The following POLK variants were observed in gnomAD, a reference collection of about 807,000 sequenced individuals.
POLK encodes polymerase (DNA directed) kappa.
A neutral mutation model predicts 94.0 loss-of-function variants in POLK; 76 were observed. That is an observed-to-expected ratio of 0.81 (90% CI 0.67 to 0.98). POLK has a LOEUF of 0.98. POLK is among the 50% of genes least tolerant of loss of function. The pLI is 0.00. For synonymous variants in POLK, 349 were observed against 325.4 expected (o/e 1.07, Z -0.78); for missense variants, 954 against 1,010.1 (o/e 0.94, Z 0.75).
At chr5:75,525,381 A>G (rs1347990864) in intron 1 of POLK, among the ~76,000 whole-genome samples, 1 of 152,204 alleles carries the variant, frequency 6.6e-6, no homozygotes, top group Non-Finnish European at 1.5e-5. Context: ...AATCAAAATG[A>G]TGTTACTAGA....
Position 75,584,878 on chromosome 5 carries a change from A to T in POLK, c.1178A>T (p.His393Leu), listed in dbSNP as rs1210506898. 1.1e-5 allele frequency: 18 copies of T among 1,607,944 alleles called. No individual in the cohort carries two copies. In the South Asian group the frequency reaches 2.0e-4, roughly 18 times the overall value. Residue 393 changes from histidine to leucine, a missense_variant, in exon 9 of 15, where the codon CAT becomes CTT. Coordinates refer to ENST00000241436, the Ensembl canonical transcript of POLK. Reference sequence around the variant, plus strand: ...CTCCTTTTCTCTGAAACATCTTGGCATTATTTCCTTCATATCTCCTTGGGT... The same window carrying T: ...CTCCTTTTCTCTGAAACATCTTGGCTTTATTTCCTTCATATCTCCTTGGGT...
intron 6 of POLK, chr5:75,580,596 A>G: frequency 1.2e-6 from 1 of 810,294 alleles, no homozygotes; most frequent in Non-Finnish European, 1.5e-6. Flanking sequence ...TAACTTTCAC[A>G]GGTAATTTCT....
At chr5:75,548,782 T>C (rs1770186289) in intron 2 of POLK, among the ~76,000 whole-genome samples, 1 of 151,892 alleles carries the variant, frequency 6.6e-6, no homozygotes, top group Non-Finnish European at 1.5e-5. Flanking sequence ...TACATAGAAG[T>C]TGGGGAAGAA....
upstream of POLK, chr5:75,511,149 G>T: frequency 6.2e-7 from 1 of 1,609,658 alleles, no homozygotes; most frequent in African/African-American, 1.3e-5. Flanking sequence ...AGGCGGCCCA[G>T]ACTCCGTCTC....
Position 75,597,049 on chromosome 5 carries a change from CAA to C in POLK, c.2359_2360del (p.Lys787AspfsTer17), listed in dbSNP as rs765240807. On this transcript the variant is annotated frameshift_variant, in exon 13 of 15. Transcript: ENST00000241436. LOFTEE classifies it high-confidence loss of function. ...AGTTTGTCCTGTTTGTAACGTAGAA[CAA>C]AAGACTTCAGATCTAACCCTGTTCA... 3.1e-6 allele frequency: 5 copies of C among 1,613,518 alleles called. No individual in the cohort carries two copies. In the South Asian group the frequency reaches 3.3e-5, roughly 11 times the overall value.
chr5:75,552,954 GA>G (rs1013573542), intron 3 of POLK, among the ~76,000 whole-genome samples: 1 of 152,074 alleles, frequency 6.6e-6, no homozygotes, highest in Non-Finnish European at 1.5e-5. Context: ...GATAAATGTG[GA>G]ATGTTTTCTG....
chr5:75,543,392 G>C (rs1457959248), intron 1 of POLK, among the ~76,000 whole-genome samples: 1 of 152,094 alleles, frequency 6.6e-6, no homozygotes. Context: ...GATTTTGAAA[G>C]CAGAGCTCAC....
intron 7 of POLK, chr5:75,582,126 A>G (rs1036587524): frequency 1.0e-6 from 1 of 987,242 alleles, no homozygotes; most frequent in African/African-American, 1.7e-5. Flanking sequence ...GCCACAAGGT[A>G]AGAGACAAAA....
At chr5:75,516,865 T>C (rs1171063223) in intron 1 of POLK, among the ~76,000 whole-genome samples, 1 of 152,242 alleles carries the variant, frequency 6.6e-6, no homozygotes, top group Non-Finnish European at 1.5e-5. Context: ...TGCATGTGGT[T>C]ATCCAGTTTT....
chr5:75,563,463 T>C (rs914600954), intron 3 of POLK, among the ~76,000 whole-genome samples: 5 of 152,070 alleles, frequency 3.3e-5, no homozygotes, highest in African/African-American at 1.2e-4. Flanking sequence ...TGCTCTTGCT[T>C]TTCTAATTAT....
chr5:75,539,295 A>G (rs1233388671), intron 1 of POLK, among the ~76,000 whole-genome samples: 1 of 151,094 alleles, frequency 6.6e-6, no homozygotes, highest in Non-Finnish European at 1.5e-5. Flanking sequence ...CCGAAGCAGT[A>G]TTTTTGGGAT....
exon 13 of POLK, chr5:75,597,011 C>T: frequency 1.2e-6 from 2 of 1,613,888 alleles, no homozygotes; most frequent in Non-Finnish European, 8.5e-7. Context: ...GAAGTGAAAA[C>T]AGGCCAAGCT....
intron 4 of POLK, 21 bp from the exon 5 acceptor site, chr5:75,573,717 A>G: frequency 1.2e-6 from 2 of 1,604,562 alleles, no homozygotes; most frequent in Non-Finnish European, 8.5e-7. Context: ...ATTTTTTTCC[A>G]TGTGGTCAAT....
chr5:75,579,638 G>A (rs912487063), intron 6 of POLK, among the ~76,000 whole-genome samples: 2 of 151,888 alleles, frequency 1.3e-5, no homozygotes, highest in African/African-American at 4.8e-5. Context: ...GATTACAGAC[G>A]TGAGCCACCT....
chr5:75,561,531 T>C (rs1041697558), intron 3 of POLK, among the ~76,000 whole-genome samples: 1 of 152,242 alleles, frequency 6.6e-6, no homozygotes, highest in African/African-American at 2.4e-5. Flanking sequence ...TTTGTCAATT[T>C]TGGCTTTTGT....
intron 1 of POLK, among the ~76,000 whole-genome samples, chr5:75,544,556 C>T (rs1769914142): frequency 6.6e-6 from 1 of 152,080 alleles, no homozygotes; most frequent in South Asian, 2.1e-4. Flanking sequence ...GCAGGAGAAT[C>T]GCTTGAACCC....
intron 11 of POLK, among the ~76,000 whole-genome samples, chr5:75,593,209 G>T (rs1772881618): frequency 6.6e-6 from 1 of 151,302 alleles, no homozygotes; most frequent in South Asian, 2.1e-4. Flanking sequence ...TCGGCTCAAT[G>T]CAACCTCCAT....
intron 3 of POLK, among the ~76,000 whole-genome samples, chr5:75,553,900 G>T (rs1274425122): frequency 6.6e-6 from 1 of 152,146 alleles, no homozygotes; most frequent in Non-Finnish European, 1.5e-5. Flanking sequence ...TAAGTGAGTA[G>T]TTCTAGCTGG....
At chr5:75,527,307 G>A (rs113981506) in intron 1 of POLK, among the ~76,000 whole-genome samples, 2,298 of 151,924 alleles carry the variant, frequency 0.015, 32 homozygotes, top group Middle Eastern at 0.041. Context: ...TTCAGCCCAG[G>A]AGTTCTAGAG....
Sources: gnomAD v4.1 joint callset for allele counts (sites outside exome capture counted in the v4.1 genomes callset) on GRCh38, gnomAD v4.1.1 for gene constraint, MANE v1.5 for transcripts, NCBI Gene and HGNC (gene_info 2026-07-23, HGNC 2026-07-21) for gene names.